PEX7: variants seen among roughly 807,000 people sequenced by gnomAD.
PEX7 encodes the protein PTS2 receptor.
PEX7 carries 34 observed loss-of-function variants against 47.5 expected under a neutral mutation model. The ratio of observed to expected loss-of-function variants is 0.72; its 90% CI spans 0.54 to 0.95. The LOEUF is 0.95. Ranked by LOEUF, PEX7 falls within the 40% of genes least tolerant of loss-of-function variation. The pLI is 0.00. For missense variants in PEX7, 394 were observed against 400.3 expected (o/e 0.98, Z 0.13); for synonymous variants, 141 against 148.8 (o/e 0.95, Z 0.38).
At chr6:136,871,442 A>G (rs1775179862) in intron 7 of PEX7, among the ~76,000 whole-genome samples, 1 of 152,232 alleles carries the variant, frequency 6.6e-6, no homozygotes, top group Non-Finnish European at 1.5e-5. Context: ...TTATTTTGAT[A>G]ACGTGATTAT....
intron 8 of PEX7, among the ~76,000 whole-genome samples, chr6:136,876,546 G>A (rs1775276459): frequency 6.6e-6 from 1 of 152,014 alleles, no homozygotes; most frequent in Non-Finnish European, 1.5e-5. Flanking sequence ...GTGTCCATGT[G>A]ATCTCGTTGT....
At chr6:136,839,674 G>A (rs1309496920) in intron 3 of PEX7, among the ~76,000 whole-genome samples, 1 of 152,188 alleles carries the variant, frequency 6.6e-6, no homozygotes, top group Admixed American at 6.5e-5. Flanking sequence ...GTGTGGACGG[G>A]GAGGTTGGGA....
At chr6:136,875,988 GCTTTTCCCCATAC>G (rs1295172061) in intron 8 of PEX7, among the ~76,000 whole-genome samples, 1 of 151,586 alleles carries the variant, frequency 6.6e-6, no homozygotes, top group Non-Finnish European at 1.5e-5. Flanking sequence ...TTCCAGATAT[GCTTTTCCCCATAC>G]CTTTTTTTTT....
At chr6:136,906,668 G>A (rs950537393) in intron 9 of PEX7, among the ~76,000 whole-genome samples, 1 of 152,104 alleles carries the variant, frequency 6.6e-6, no homozygotes, top group Non-Finnish European at 1.5e-5. Flanking sequence ...TCCTATTGCT[G>A]TCCCTTTTTT....
intron 2 of PEX7, among the ~76,000 whole-genome samples, chr6:136,825,989 A>G (rs1020645310): frequency 6.6e-6 from 1 of 152,196 alleles, no homozygotes; most frequent in Non-Finnish European, 1.5e-5. Context: ...CAAATAAAAA[A>G]CAAAACAAAT....
intron 1 of PEX7, among the ~76,000 whole-genome samples, chr6:136,824,157 C>A (rs1038101611): frequency 3.3e-5 from 5 of 152,178 alleles, no homozygotes; most frequent in Non-Finnish European, 4.4e-5. Context: ...ACCAGTTAGA[C>A]TGAAGACTCA....
At chr6:136,912,272 C>T (rs1184027927) in intron 9 of PEX7, among the ~76,000 whole-genome samples, 2 of 150,260 alleles carry the variant, frequency 1.3e-5, no homozygotes, top group Non-Finnish European at 3.0e-5. Flanking sequence ...TTGATTATTA[C>T]TTTTTGTATC....
intron 8 of PEX7, among the ~76,000 whole-genome samples, chr6:136,882,969 A>G (rs1239147801): frequency 1.3e-5 from 2 of 152,206 alleles, no homozygotes; most frequent in African/African-American, 4.8e-5. Flanking sequence ...ACTAGAACCT[A>G]TAAAATGGAT....
rs572842499 is a variant in PEX7, at chr6:136,889,285, A to G, written c.804-8857A>G. ...CAGATGAAAATGAAAATAATTTCCT[A>G]TAAAATGAAACAACATATATTAATT... On this transcript the variant is annotated intron_variant, in intron 8 of 9. Coordinates refer to ENST00000318471, the MANE Select transcript of PEX7 (RefSeq NM_000288.4). Among the ~76,000 whole-genome samples, 4 of 152,328 alleles carry G rather than the reference A, an allele frequency of 2.6e-5. No individual in the cohort carries two copies. The South Asian group carries it at 8.3e-4, about 32-fold the overall frequency.
intron 8 of PEX7, among the ~76,000 whole-genome samples, chr6:136,876,092 C>T (rs1395580599): frequency 6.6e-6 from 1 of 151,000 alleles, no homozygotes; most frequent in Non-Finnish European, 1.5e-5. Flanking sequence ...GGCTGGAGTG[C>T]AGTGGCACAA....
At chr6:136,911,979 T>C (rs767273166) in intron 9 of PEX7, among the ~76,000 whole-genome samples, 1 of 152,230 alleles carries the variant, frequency 6.6e-6, no homozygotes, top group African/African-American at 2.4e-5. Flanking sequence ...ATTTTAGCCA[T>C]AATGTGAATA....
chr6:136,912,624 G>A (rs955324979), intron 9 of PEX7, among the ~76,000 whole-genome samples: 8 of 151,956 alleles, frequency 5.3e-5, no homozygotes, highest in Admixed American at 1.3e-4. Flanking sequence ...CAGTAGTTTC[G>A]TGCTGAGTCT....
intron 8 of PEX7, among the ~76,000 whole-genome samples, chr6:136,890,408 T>G (rs1040978188): frequency 6.6e-6 from 1 of 152,186 alleles, no homozygotes; most frequent in African/African-American, 2.4e-5. Flanking sequence ...GCATTGAAAC[T>G]GTACAGCCGA....
intron 3 of PEX7, among the ~76,000 whole-genome samples, chr6:136,835,178 G>A (rs1419559894): frequency 6.6e-6 from 1 of 152,022 alleles, no homozygotes; most frequent in Non-Finnish European, 1.5e-5. Flanking sequence ...GGCCGCCTCA[G>A]CCTCCCAAAG....
At chr6:136,833,760 G>C (rs920620603) in intron 3 of PEX7, among the ~76,000 whole-genome samples, 1 of 152,166 alleles carries the variant, frequency 6.6e-6, no homozygotes, top group African/African-American at 2.4e-5. Flanking sequence ...ACTGCCATTA[G>C]GATGTGATAT....
intron 7 of PEX7, among the ~76,000 whole-genome samples, chr6:136,871,234 T>C (rs1433824083): frequency 6.6e-6 from 1 of 152,190 alleles, no homozygotes; most frequent in Non-Finnish European, 1.5e-5. Flanking sequence ...TATGTGTATT[T>C]AACTATTAAA....
At chr6:136,823,044 T>C in intron 1 of PEX7, 1 of 985,416 alleles carries the variant, frequency 1.0e-6, no homozygotes, top group Non-Finnish European at 1.2e-6. Context: ...GTAGCCCGTG[T>C]CCTTGTTCCT....
rs184516255 is a variant in PEX7 at position 136,855,562 on chromosome 6, G to A, written c.526+9381G>A. On this transcript the variant is annotated intron_variant, in intron 5 of 9. Transcript: ENST00000318471. Reference sequence around the variant, plus strand: ...GCCTTGTTGGCCAGGCTGGTCTCAAGCTCCTGACCTCAGGTAATCCGCCTG... The same window carrying A: ...GCCTTGTTGGCCAGGCTGGTCTCAAACTCCTGACCTCAGGTAATCCGCCTG... 302 of 166,262 alleles carry A rather than the reference G, an allele frequency of 1.8e-3. 3 individuals carry two copies. Among genetic ancestry groups the A allele is most frequent in the African/African-American group, 6.5e-3 (271 of 41,714 alleles). The allele number at this position is 166,262 out of a possible 1,614,324, so 10.3% of individuals were successfully genotyped here.
At chr6:136,901,627 A>G (rs938254092) in intron 9 of PEX7, 2 of 152,352 alleles carry the variant, frequency 1.3e-5, no homozygotes, top group African/African-American at 2.4e-5. Context: ...GAAGCCACAC[A>G]GCATTCCTTC....
Sources: allele counts gnomAD v4.1 joint callset (sites outside exome capture counted in the v4.1 genomes callset), GRCh38; gene constraint gnomAD v4.1.1; transcripts MANE v1.5; gene names NCBI Gene and HGNC (gene_info 2026-07-23, HGNC 2026-07-21).